VRTN: variants seen among roughly 807,000 people sequenced by gnomAD.
The protein encoded by VRTN is vertebrae development associated.
In VRTN, 5 loss-of-function variants were observed where a neutral mutation model predicts 18.2. The observed-to-expected ratio is 0.27, with a 90% CI of 0.14 to 0.58. The LOEUF (loss-of-function observed/expected upper bound fraction) is 0.58, where lower values mean the gene tolerates loss of function less well. Among genes scored for constraint, VRTN ranks in the 20% least tolerant of loss-of-function variants. VRTN has a pLI of 0.91. For missense variants in VRTN, 741 were observed against 939.4 expected, an observed-to-expected ratio of 0.79 and a Z score of 2.76; for synonymous variants, 381 against 393.7, an observed-to-expected ratio of 0.97 and a Z score of 0.38.
chr14:74,353,824 G>A (rs1007429187), intron 1 of VRTN, among the ~76,000 whole-genome samples: 2 of 151,932 alleles, frequency 1.3e-5, no homozygotes, highest in African/African-American at 2.4e-5. Context: ...CCGGGTTCAC[G>A]CCATTCTCCT....
intron 1 of VRTN, among the ~76,000 whole-genome samples, chr14:74,352,015 T>A (rs1397770212): frequency 6.7e-6 from 1 of 149,792 alleles, no homozygotes; most frequent in Non-Finnish European, 1.5e-5. Context: ...AGCTAATTAT[T>A]TTTTTTTTGT....
At chr14:74,339,425 T>G (rs865901627) in intron 2 of VRTN, among the ~76,000 whole-genome samples, 7 of 147,584 alleles carry the variant, frequency 4.7e-5, no homozygotes, top group Middle Eastern at 6.8e-3. Flanking sequence ...GATGGGGGAG[T>G]AAAGGTCTCA....
intron 1 of VRTN, among the ~76,000 whole-genome samples, chr14:74,314,394 CTTT>C (rs10676222): frequency 3.7e-5 from 4 of 108,772 alleles, no homozygotes; most frequent in Non-Finnish European, 1.8e-5. Flanking sequence ...AAAAACTGTT[CTTT>C]TTTTTTTTTT....
At chr14:74,325,290 A>G (rs769910333) in intron 1 of VRTN, among the ~76,000 whole-genome samples, 18 of 152,188 alleles carry the variant, frequency 1.2e-4, no homozygotes, top group Admixed American at 4.6e-4. Context: ...TATGGTATAT[A>G]GAAGGAAAAA....
chr14:74,324,177 A>C (rs2085473058), intron 1 of VRTN, among the ~76,000 whole-genome samples: 1 of 151,652 alleles, frequency 6.6e-6, no homozygotes, highest in Non-Finnish European at 1.5e-5. Context: ...TCATGAGGTC[A>C]GGAGTTCGAG....
chr14:74,321,851 T>A lies in VRTN; in HGVS notation c.-163-15872T>A, dbSNP rs186986778. Reference sequence around the variant, plus strand: ...TATTTTTATTTTATTATTTATTTATTTATTTTGAGACAGAGTCTTGCTCTT... The same window carrying A: ...TATTTTTATTTTATTATTTATTTATATATTTTGAGACAGAGTCTTGCTCTT... On this transcript the variant is annotated intron_variant, in intron 1 of 2. Transcript: ENST00000557177. Among the ~76,000 whole-genome samples, 539 of 150,146 alleles carry A rather than the reference T, an allele frequency of 3.6e-3. 5 individuals are homozygous for A. The highest frequency in any genetic ancestry group is 5.7e-3 in the African/African-American group (231 of 40,854).
In VRTN at chr14:74,342,651, T is replaced by C. The variant is rs540642936; in HGVS notation, c.-2+4767T>C. ...AAAAACACAAATGGCTTTTTTTTTT[T>C]CCTTGAGACAGGGTCTCACTCTGTC... is the stretch of plus-strand genomic sequence containing the variant. On this transcript the variant is annotated intron_variant, in intron 2 of 2. Coordinates refer to the VRTN transcript ENST00000557177. Among the ~76,000 whole-genome samples, 40 of 152,170 alleles carry C rather than the reference T, an allele frequency of 2.6e-4. No homozygotes were observed. The South Asian group carries it at 5.6e-3, about 21-fold the overall frequency.
At chr14:74,311,607 G>A (rs910153207) in intron 1 of VRTN, among the ~76,000 whole-genome samples, 2 of 151,840 alleles carry the variant, frequency 1.3e-5, no homozygotes, top group African/African-American at 4.8e-5. Context: ...ACGGGGTTTC[G>A]CCATGTTGGC....
chr14:74,355,978 C>T (rs769465532), intron 1 of VRTN, among the ~76,000 whole-genome samples: 3 of 151,968 alleles, frequency 2.0e-5, no homozygotes, highest in Non-Finnish European at 4.4e-5. Flanking sequence ...ACTATAGGCA[C>T]ATGCCACTGT....
chr14:74,320,563 CTTTTTTTTTTTTTTTTTTTTTTTT>C lies in VRTN; in HGVS notation c.-163-17142_-163-17119del, dbSNP rs35884901. 2.2e-3 allele frequency among the ~76,000 whole-genome samples: 101 copies of C among 45,028 alleles called. 2 individuals carry two copies. In the South Asian group the frequency reaches 0.024, roughly 11 times the overall value. The allele number at this position is 45,028 out of a possible 152,430, so 29.5% of individuals were successfully genotyped here. On this transcript the variant is annotated intron_variant, in intron 1 of 2. Transcript: ENST00000557177. ...AGACTTGAGCCACTGCGCCCGGCCT[CTTTTTTTTTTTTTTTTTTTTTTTT>C]TTTTTTTTTTTTTTTTTGAGACGGA...
At chr14:74,351,146 A>G (rs975428752) in intron 1 of VRTN, among the ~76,000 whole-genome samples, 8 of 152,108 alleles carry the variant, frequency 5.3e-5, no homozygotes, top group East Asian at 1.9e-4. Flanking sequence ...CAAAAACCCA[A>G]CGTCTTGCTT....
chr14:74,349,418 A>G (rs2085669065), intron 1 of VRTN, among the ~76,000 whole-genome samples: 1 of 152,178 alleles, frequency 6.6e-6, no homozygotes, highest in Non-Finnish European at 1.5e-5. Flanking sequence ...CTGGGTGAGG[A>G]GCCAGCCATC....
chr14:74,326,666 C>T (rs962982293), intron 1 of VRTN, among the ~76,000 whole-genome samples: 6 of 152,082 alleles, frequency 3.9e-5, no homozygotes, highest in Admixed American at 1.3e-4. Context: ...GAACAAAAGG[C>T]GCCCTGAGTC....
chr14:74,353,544 AC>A, intron 1 of VRTN, among the ~76,000 whole-genome samples: 1 of 152,204 alleles, frequency 6.6e-6, no homozygotes, highest in Admixed American at 6.5e-5. Flanking sequence ...CACTTCTCAA[AC>A]TTTTTGGTTT....
chr14:74,330,863 G>A (rs1367115668), intron 1 of VRTN, among the ~76,000 whole-genome samples: 2 of 151,926 alleles, frequency 1.3e-5, no homozygotes, highest in African/African-American at 4.8e-5. Flanking sequence ...CATTCCGAAG[G>A]GCAAGAACCA....
intron 1 of VRTN, among the ~76,000 whole-genome samples, chr14:74,349,064 G>C (rs1031186964): frequency 6.6e-6 from 1 of 152,214 alleles, no homozygotes; most frequent in South Asian, 2.1e-4. Context: ...CCGGGAGCCT[G>C]TGCTGCTTCC....
upstream of VRTN, among the ~76,000 whole-genome samples, chr14:74,344,743 A>AAAAAAAAAAAAAAAAAAAAAG (rs1425106645): frequency 6.0e-4 from 88 of 146,440 alleles, 2 homozygotes; most frequent in African/African-American, 2.4e-3. Context: ...TAAAAAAAAA[A>AAAAAAAAAAAAAAAAAAAAAG]AAAATGAAAA....
At chr14:74,330,943 T>C (rs2085517850) in intron 1 of VRTN, among the ~76,000 whole-genome samples, 1 of 149,428 alleles carries the variant, frequency 6.7e-6, no homozygotes, top group Admixed American at 6.7e-5. Flanking sequence ...CTCACGCCTG[T>C]AATCCCAGCA....
At chr14:74,336,662 T>TA (rs1237876353) in intron 1 of VRTN, among the ~76,000 whole-genome samples, 1 of 152,064 alleles carries the variant, frequency 6.6e-6, no homozygotes, top group East Asian at 1.9e-4. Flanking sequence ...ATAATTGAAC[T>TA]AAAATGTTCC....
Sources: gnomAD v4.1 joint callset for allele counts (sites outside exome capture counted in the v4.1 genomes callset) on GRCh38, gnomAD v4.1.1 for gene constraint, MANE v1.5 for transcripts, NCBI Gene and HGNC (gene_info 2026-07-23, HGNC 2026-07-21) for gene names.